SNTG1: variants seen among roughly 807,000 people sequenced by gnomAD.
The protein encoded by SNTG1 is syntrophin gamma 1.
A neutral mutation model predicts 74.7 loss-of-function variants in SNTG1; 39 were observed. That is an observed-to-expected ratio of 0.52 (90% CI 0.40 to 0.68). SNTG1 has a LOEUF of 0.68. Among genes scored for constraint, SNTG1 ranks in the 30% least tolerant of loss-of-function variants. The pLI is 0.00. For missense variants in SNTG1, 685 were observed against 609.5 expected (o/e 1.12, Z -1.30); for synonymous variants, 254 against 217.1 (o/e 1.17, Z -1.49).
At chr8:50,190,179 A>C (rs1793914923) in intron 2 of SNTG1, among the ~76,000 whole-genome samples, 1 of 152,144 alleles carries the variant, frequency 6.6e-6, no homozygotes, top group African/African-American at 2.4e-5. Flanking sequence ...CTCACAGTCT[A>C]CTGTAACTGA....
chr8:50,636,763 T>C (rs2095041819), intron 13 of SNTG1, among the ~76,000 whole-genome samples: 1 of 152,168 alleles, frequency 6.6e-6, no homozygotes, highest in African/African-American at 2.4e-5. Context: ...TTGGTTCTTA[T>C]GAAGGTCCTT....
chr8:50,039,337 C>T (rs1818427404), intron 1 of SNTG1, among the ~76,000 whole-genome samples: 1 of 151,622 alleles, frequency 6.6e-6, no homozygotes, highest in African/African-American at 2.4e-5. Context: ...CGCCTGTAGT[C>T]CCAGCTACTC....
At chr8:50,024,955 A>G (rs1403316876) in intron 1 of SNTG1, among the ~76,000 whole-genome samples, 2 of 152,220 alleles carry the variant, frequency 1.3e-5, no homozygotes, top group African/African-American at 4.8e-5. Context: ...TTAAAATTCT[A>G]CAAGTCGTTT....
At chr8:49,984,808 G>A (rs1813008631) in intron 1 of SNTG1, among the ~76,000 whole-genome samples, 1 of 152,054 alleles carries the variant, frequency 6.6e-6, no homozygotes, top group Non-Finnish European at 1.5e-5. Flanking sequence ...TCATTAAAAG[G>A]TTGCCCATTC....
intron 3 of SNTG1, among the ~76,000 whole-genome samples, chr8:50,399,797 A>T (rs930006015): frequency 3.9e-5 from 6 of 152,174 alleles, no homozygotes; most frequent in African/African-American, 1.4e-4. Flanking sequence ...TATATTAGGG[A>T]AAGTACAATC....
chr8:50,294,309 C>CA (rs1026827350), intron 2 of SNTG1, among the ~76,000 whole-genome samples: 7 of 151,948 alleles, frequency 4.6e-5, no homozygotes, highest in Non-Finnish European at 8.8e-5. Flanking sequence ...CTACAAGAAG[C>CA]AAAAAAGGCT....
chr8:50,344,825 T>C (rs1162146233), intron 2 of SNTG1, among the ~76,000 whole-genome samples: 1 of 152,184 alleles, frequency 6.6e-6, no homozygotes, highest in African/African-American at 2.4e-5. Flanking sequence ...CCCTAACCCC[T>C]AGTACCTCAG....
intron 1 of SNTG1, among the ~76,000 whole-genome samples, chr8:50,110,945 T>C (rs1204229881): frequency 2.0e-5 from 3 of 152,214 alleles, no homozygotes; most frequent in African/African-American, 7.2e-5. Flanking sequence ...AGGTATGTCC[T>C]AAACAATTAT....
At chr8:50,501,706 C>G (rs1405228181) in intron 8 of SNTG1, among the ~76,000 whole-genome samples, 1 of 151,502 alleles carries the variant, frequency 6.6e-6, no homozygotes, top group Non-Finnish European at 1.5e-5. Flanking sequence ...GATCCACCTG[C>G]CTCGGTCTCC....
chr8:50,201,098 A>G (rs1038449477), intron 2 of SNTG1, among the ~76,000 whole-genome samples: 3 of 152,180 alleles, frequency 2.0e-5, no homozygotes, highest in East Asian at 1.9e-4. Context: ...GAAAAAAACA[A>G]TATGTTATCA....
chr8:50,489,868 G>C (rs1242897820), intron 8 of SNTG1, among the ~76,000 whole-genome samples: 6 of 152,114 alleles, frequency 3.9e-5, no homozygotes, highest in Admixed American at 3.3e-4. Context: ...GACTGGTATT[G>C]CCTAGGTTTT....
intron 1 of SNTG1, among the ~76,000 whole-genome samples, chr8:49,986,860 C>T (rs940139254): frequency 1.7e-4 from 26 of 152,022 alleles, no homozygotes; most frequent in African/African-American, 2.7e-4. Context: ...TCAGAGTGAG[C>T]CACGGTCTCA....
chr8:50,553,277 C>T (rs2094437790), intron 12 of SNTG1, 98 bp downstream of exon 12: 1 of 1,457,698 alleles, frequency 6.9e-7, no homozygotes, highest in Non-Finnish European at 9.3e-7. Flanking sequence ...TGGTGTTCTT[C>T]TCAGAATGAG....
chr8:50,599,138 T>C (rs1257115211), intron 13 of SNTG1, among the ~76,000 whole-genome samples: 1 of 152,032 alleles, frequency 6.6e-6, no homozygotes, highest in Non-Finnish European at 1.5e-5. Flanking sequence ...CGCCAATGTA[T>C]ATTCTTGGTA....
chr8:50,773,594 G>C (rs2095632727), intron 18 of SNTG1, among the ~76,000 whole-genome samples: 1 of 152,068 alleles, frequency 6.6e-6, no homozygotes, highest in African/African-American at 2.4e-5. Flanking sequence ...CAGTGAAACA[G>C]ATAGGAAAAC....
chr8:50,203,253 A>C (rs567322895), intron 2 of SNTG1, among the ~76,000 whole-genome samples: 1 of 152,124 alleles, frequency 6.6e-6, no homozygotes, highest in East Asian at 1.9e-4. Context: ...TTTTTCTGAG[A>C]GTTTTTATTT....
At chr8:49,944,111 C>T (rs1370352417) in intron 1 of SNTG1, among the ~76,000 whole-genome samples, 3 of 151,966 alleles carry the variant, frequency 2.0e-5, no homozygotes, top group Non-Finnish European at 4.4e-5. Flanking sequence ...TTACTATATC[C>T]TTATGTTGTG....
intron 9 of SNTG1, among the ~76,000 whole-genome samples, chr8:50,516,431 G>C (rs2094134601): frequency 6.6e-6 from 1 of 152,144 alleles, no homozygotes. Context: ...GAACAAAACT[G>C]GATGGAGAAT....
chr8:50,425,042 A>G (rs1023913486), intron 4 of SNTG1, among the ~76,000 whole-genome samples: 6 of 152,200 alleles, frequency 3.9e-5, no homozygotes, highest in African/African-American at 9.6e-5. Flanking sequence ...TAGTAGAGAT[A>G]GCATTTTTTA....
Sources: gnomAD v4.1 joint callset for allele counts (sites outside exome capture counted in the v4.1 genomes callset) on GRCh38, gnomAD v4.1.1 for gene constraint, MANE v1.5 for transcripts, NCBI Gene and HGNC (gene_info 2026-07-23, HGNC 2026-07-21) for gene names.